Variants in SLC5A11 observed in about 807,000 individuals in gnomAD.
SLC5A11 encodes sodium/myo-inositol cotransporter 2.
SLC5A11 carries 48 observed loss-of-function variants against 69.8 expected under a neutral mutation model. The ratio of observed to expected loss-of-function variants is 0.69; its 90% CI spans 0.55 to 0.87. The LOEUF (loss-of-function observed/expected upper bound fraction) is 0.87. Among genes scored for constraint, SLC5A11 ranks in the 40% least tolerant of loss-of-function variants. The pLI is 0.00. For synonymous variants in SLC5A11, 319 were observed against 342.4 expected, an observed-to-expected ratio of 0.93 and a Z score of 0.75; for missense variants, 784 against 866.1, an observed-to-expected ratio of 0.91 and a Z score of 1.19.
intron 9 of SLC5A11, among the ~76,000 whole-genome samples, chr16:24,896,942 C>CTTTTT (rs869210839): frequency 4.1e-5 from 4 of 97,092 alleles, no homozygotes; most frequent in African/African-American, 1.0e-4. Flanking sequence ...AACCTCCTTC[C>CTTTTT]TTTTTTTTTT....
intron 14 of SLC5A11, 33 bp downstream of exon 15, chr16:24,909,129 A>G (rs1401852148): frequency 1.2e-6 from 2 of 1,602,816 alleles, no homozygotes; most frequent in African/African-American, 1.3e-5. Flanking sequence ...ATCCGTTGAG[A>G]CTTTTTGTTG....
intron 15 of SLC5A11, among the ~76,000 whole-genome samples, chr16:24,910,890 C>T (rs538426351): frequency 7.2e-5 from 11 of 152,152 alleles, no homozygotes; most frequent in East Asian, 1.9e-4. Flanking sequence ...AGATTTTGGC[C>T]GGTCAGCATG....
At chr16:24,878,780 C>A (rs1451941320) in intron 7 of SLC5A11, among the ~76,000 whole-genome samples, 3 of 152,152 alleles carry the variant, frequency 2.0e-5, no homozygotes, top group Non-Finnish European at 2.9e-5. Flanking sequence ...CGTGTGTAAT[C>A]CCAACACTTT....
At chr16:24,880,933 G>C (rs2048003659) in intron 7 of SLC5A11, among the ~76,000 whole-genome samples, 1 of 152,158 alleles carries the variant, frequency 6.6e-6, no homozygotes. Flanking sequence ...GCCGGGCACA[G>C]TGGCTCACAC....
At chr16:24,846,547 A>G (rs2059021713) in intron 1 of SLC5A11, 109 bp downstream of exon 2, 1 of 152,362 alleles carries the variant, frequency 6.6e-6, no homozygotes, top group Non-Finnish European at 1.5e-5. Flanking sequence ...GGGCAGGGGA[A>G]GCTCAGCCCT....
intron 9 of SLC5A11, among the ~76,000 whole-genome samples, chr16:24,897,659 C>G (rs2049277414): frequency 6.6e-6 from 1 of 152,206 alleles, no homozygotes; most frequent in South Asian, 2.1e-4. Context: ...TTCCACATGG[C>G]TGGGGAGGCC....
exon 7 of SLC5A11, chr16:24,877,263 C>G (rs765641503): frequency 6.2e-7 from 1 of 1,613,882 alleles, no homozygotes; most frequent in Non-Finnish European, 8.5e-7. Flanking sequence ...CACAGGTAGA[C>G]ATGTATGCAG....
At chr16:24,861,669 AAAGG>A (rs149331037) in intron 2 of SLC5A11, among the ~76,000 whole-genome samples, 9,772 of 145,494 alleles carry the variant, frequency 0.067, 708 homozygotes, top group East Asian at 0.26. Flanking sequence ...AAAAAGAAAG[AAAGG>A]AAGGAAGGGA....
intron 1 of SLC5A11, among the ~76,000 whole-genome samples, chr16:24,848,295 T>C (rs1422755097): frequency 6.6e-6 from 1 of 152,206 alleles, no homozygotes; most frequent in Non-Finnish European, 1.5e-5. Context: ...TTTCTCTGGC[T>C]TCCGTGTGAG....
rs924543087 is a variant in SLC5A11, at chr16:24,890,606, A to G, written c.665-263A>G. Reference sequence around the variant, plus strand: ...TTCATTACTTTGTGACGGAGGTTTCATGGGTGAATACTTATGTCAAACACC... The same window carrying G: ...TTCATTACTTTGTGACGGAGGTTTCGTGGGTGAATACTTATGTCAAACACC... On this transcript the variant is annotated intron_variant, in intron 8 of 15. Coordinates refer to ENST00000347898, the Ensembl canonical transcript of SLC5A11. 1.3e-4 allele frequency among the ~76,000 whole-genome samples: 20 copies of G among 152,062 alleles called. 1 individual carries two copies. The East Asian group carries it at 3.7e-3, about 28-fold the overall frequency.
At chr16:24,890,377 A>C (rs2048692639) in intron 8 of SLC5A11, among the ~76,000 whole-genome samples, 1 of 151,016 alleles carries the variant, frequency 6.6e-6, no homozygotes, top group Non-Finnish European at 1.5e-5. Flanking sequence ...CCAGCTACTC[A>C]GGAGGCTGAA....
chr16:24,847,143 CTTTT>C (rs1348841121), intron 1 of SLC5A11, among the ~76,000 whole-genome samples: 2 of 151,796 alleles, frequency 1.3e-5, no homozygotes. Flanking sequence ...CTCTTTCTTT[CTTTT>C]TCTTTCTTTT....
At chr16:24,901,756 T>TA (rs1483544155) in intron 10 of SLC5A11, among the ~76,000 whole-genome samples, 2 of 151,950 alleles carry the variant, frequency 1.3e-5, no homozygotes, top group Non-Finnish European at 2.9e-5. Context: ...TAGAGGGACT[T>TA]ACATCCTAGT....
chr16:24,901,929 A>C lies in SLC5A11; in HGVS notation c.1006+3820A>C, dbSNP rs562967992. Among the ~76,000 whole-genome samples the C allele has an allele frequency of 1.9e-3, 206 of 111,338 alleles. 3 individuals are homozygous for C. The highest frequency in any genetic ancestry group is 7.3e-3 in the African/African-American group (197 of 27,042). 73.0% of individuals were successfully genotyped at this position (111,338 alleles called of 152,430 possible). On this transcript the variant is annotated intron_variant, in intron 10 of 15. Transcript: ENST00000347898. ...GCAAGATCCCATCTCTGGAAAAAAA[A>C]ATACACACACACACACACACACACA...
intron 1 of SLC5A11, among the ~76,000 whole-genome samples, chr16:24,852,583 C>T (rs2059357712): frequency 6.6e-6 from 1 of 152,158 alleles, no homozygotes; most frequent in Non-Finnish European, 1.5e-5. Context: ...CCACCCCAAC[C>T]AGACCCTCCT....
At position 24,891,083 on chromosome 16, in the gene SLC5A11, C is replaced by T. The variant is rs555894082; in HGVS notation, c.870+9C>T. The T allele has an allele frequency of 3.1e-6, 5 of 1,609,262 alleles. No individual in the cohort carries two copies. Among genetic ancestry groups the T allele is most frequent in the Non-Finnish European group, 4.3e-6 (5 of 1,176,276 alleles). On this transcript the variant is annotated intron_variant, in intron 9 of 15. Transcript: ENST00000347898. ...ACTGGTGCACGGATCAGGTACAGGA[C>T]AGTGGCCTGAGCAAGTTTTTCCTTC... is the stretch of plus-strand genomic sequence containing the variant.
In SLC5A11 at chr16:24,861,820, A is replaced by AAG. The variant is rs1397088970; in HGVS notation, c.136-780_136-779insGA. ...AAAGAAAGAAAAGAAAAAAGAAAGA[A>AAG]AAAATTAATCACCAATGTGATAGTA... On this transcript the variant is annotated intron_variant, in intron 2 of 15. Coordinates refer to ENST00000347898, the Ensembl canonical transcript of SLC5A11. Among the ~76,000 whole-genome samples the AAG allele has an allele frequency of 4.8e-3, 721 of 149,838 alleles. 13 individuals are homozygous for AAG. Among genetic ancestry groups the AAG allele is most frequent in the African/African-American group, 0.016 (654 of 40,194 alleles).
At chr16:24,859,799 G>C (rs976214069) in intron 2 of SLC5A11, among the ~76,000 whole-genome samples, 1 of 151,900 alleles carries the variant, frequency 6.6e-6, no homozygotes, top group Non-Finnish European at 1.5e-5. Flanking sequence ...AACTAGTCTC[G>C]GGCTGAAGGT....
exon 5 of SLC5A11, chr16:24,872,171 T>G (rs2047346544): frequency 6.2e-7 from 1 of 1,614,204 alleles, no homozygotes; most frequent in Non-Finnish European, 8.5e-7. Context: ...GCTTGTTTTC[T>G]GTGCTGATGT....
Sources: allele counts gnomAD v4.1 joint callset (sites outside exome capture counted in the v4.1 genomes callset), GRCh38; gene constraint gnomAD v4.1.1; transcripts MANE v1.5; gene names NCBI Gene and HGNC (gene_info 2026-07-23, HGNC 2026-07-21).